Variants in EIF4B observed in about 807,000 individuals in gnomAD.
EIF4B encodes the protein eukaryotic translation initiation factor 4B.
EIF4B carries 8 observed loss-of-function variants against 79.3 expected under a neutral mutation model. That is an observed-to-expected ratio of 0.10 (90% CI 0.06 to 0.18). The LOEUF is 0.18. Ranked by LOEUF, EIF4B falls within the 10% of genes least tolerant of loss-of-function variation. EIF4B has a pLI of 1.00. For synonymous variants in EIF4B, 238 were observed against 274.7 expected, an observed-to-expected ratio of 0.87 and a Z score of 1.32; for missense variants, 515 against 792.4, an observed-to-expected ratio of 0.65 and a Z score of 4.20.
chr12:53,036,525 A>G (rs1297372560), intron 10 of EIF4B, among the ~76,000 whole-genome samples: 5 of 151,218 alleles, frequency 3.3e-5, no homozygotes, highest in East Asian at 3.9e-4. Context: ...TCTTGCCCCA[A>G]TATCCCAAGT....
chr12:53,010,305 C>T (rs571783072), intron 1 of EIF4B, among the ~76,000 whole-genome samples: 2 of 152,316 alleles, frequency 1.3e-5, no homozygotes, highest in South Asian at 2.1e-4. Context: ...TCAGTCTTTA[C>T]TATGCTAAAC....
intron 1 of EIF4B, 71 bp from the exon 2 acceptor site, chr12:53,016,402 A>C (rs1943149167): frequency 6.3e-7 from 1 of 1,578,982 alleles, no homozygotes; most frequent in East Asian, 2.3e-5. Flanking sequence ...AATGTTTTAC[A>C]ATATTGCATT....
At chr12:53,014,532 G>A (rs1370954187) in intron 1 of EIF4B, 1 of 152,114 alleles carries the variant, frequency 6.6e-6, no homozygotes, top group East Asian at 1.9e-4. Flanking sequence ...CCATGTTCGT[G>A]GTCAACTTTG....
At chr12:53,023,264 G>T (rs964753562) in intron 6 of EIF4B, among the ~76,000 whole-genome samples, 33 of 152,246 alleles carry the variant, frequency 2.2e-4, no homozygotes, top group Admixed American at 6.5e-5. Context: ...ACGGAGTCTC[G>T]CTGTGTCGCC....
intron 6 of EIF4B, among the ~76,000 whole-genome samples, chr12:53,023,000 A>G (rs949126378): frequency 6.6e-6 from 1 of 152,076 alleles, no homozygotes; most frequent in African/African-American, 2.4e-5. Context: ...CCTGTCTACC[A>G]AAAAGAAAAA....
chr12:53,028,653 G>A (rs1039443938), intron 8 of EIF4B, among the ~76,000 whole-genome samples: 1 of 151,616 alleles, frequency 6.6e-6, no homozygotes, highest in Non-Finnish European at 1.5e-5. Flanking sequence ...AGATTTTTCA[G>A]TTAAAATTTA....
At chr12:53,022,889 A>G (rs1271117953) in intron 6 of EIF4B, among the ~76,000 whole-genome samples, 1 of 152,170 alleles carries the variant, frequency 6.6e-6, no homozygotes, top group African/African-American at 2.4e-5. Flanking sequence ...AAGAAACCCA[A>G]ACTGGGCATG....
chr12:53,036,516 C>T (rs1253734437), intron 10 of EIF4B, among the ~76,000 whole-genome samples: 1 of 151,470 alleles, frequency 6.6e-6, no homozygotes, highest in African/African-American at 2.4e-5. Context: ...AAGCAATCCT[C>T]TTGCCCCAAT....
chr12:53,016,823 G>T (rs571230936), intron 2 of EIF4B, among the ~76,000 whole-genome samples: 36 of 152,152 alleles, frequency 2.4e-4, no homozygotes, highest in Admixed American at 7.9e-4. Flanking sequence ...AGAGAGCTTT[G>T]CTAGTTCTTG....
intron 6 of EIF4B, among the ~76,000 whole-genome samples, chr12:53,024,517 A>G (rs1943302666): frequency 6.6e-6 from 1 of 152,238 alleles, no homozygotes; most frequent in Non-Finnish European, 1.5e-5. Flanking sequence ...TAAACAAAAA[A>G]CAAACATGGC....
chr12:53,029,717 T>C (rs924064250), intron 8 of EIF4B, among the ~76,000 whole-genome samples: 3 of 152,126 alleles, frequency 2.0e-5, no homozygotes, highest in Non-Finnish European at 2.9e-5. Context: ...TCCTAAACTT[T>C]GTGGCAATGG....
At chr12:53,040,068 T>A in intron 14 of EIF4B, 75 bp from the exon 15 acceptor site, 1 of 1,540,988 alleles carries the variant, frequency 6.5e-7, no homozygotes, top group Non-Finnish European at 9.0e-7. Flanking sequence ...TGCCAAAGGA[T>A]CAGTATCCTG....
chr12:53,031,460 A>G (rs949494), intron 8 of EIF4B, among the ~76,000 whole-genome samples: 126,084 of 152,112 alleles, frequency 0.83, 53,985 homozygotes, highest in East Asian at 0.97. Flanking sequence ...ATTTTTTCTA[A>G]AGATGGGGTT....
rs1402043002 is a variant in EIF4B at position 53,016,684 on chromosome 12, A to G, written c.151+74A>G. On this transcript the variant is annotated intron_variant, in intron 2 of 14. Coordinates refer to ENST00000262056, the MANE Select transcript of EIF4B (RefSeq NM_001417.7). ...CAAAACCTATTACATAATAATTCAC[A>G]TCGTTTGTAATCTGAAAAGAACTTA... The G allele has an allele frequency of 2.3e-5, 34 of 1,489,068 alleles. No homozygotes were observed. The East Asian group carries it at 7.0e-4, about 31-fold the overall frequency. The allele number at this position is 1,489,068 out of a possible 1,614,324, so 92.2% of individuals were successfully genotyped here.
intron 1 of EIF4B, among the ~76,000 whole-genome samples, chr12:53,007,273 GTGTGCACCTAGA>G (rs1446226762): frequency 6.6e-6 from 1 of 152,140 alleles, no homozygotes; most frequent in Non-Finnish European, 1.5e-5. Flanking sequence ...AGAAGCACCG[GTGTGCACCTAGA>G]TTTCCTTCTA....
chr12:53,039,013 A>T (rs1158725018), intron 12 of EIF4B: 1 of 427,042 alleles, frequency 2.3e-6, no homozygotes, highest in Non-Finnish European at 4.2e-6. Flanking sequence ...TCATGATGGC[A>T]TATCCCTACA....
intron 8 of EIF4B, among the ~76,000 whole-genome samples, chr12:53,030,588 T>G (rs1047172899): frequency 6.6e-6 from 1 of 151,446 alleles, no homozygotes; most frequent in Non-Finnish European, 1.5e-5. Context: ...ATTTTTGTAT[T>G]TTTAGTAGAG....
At chr12:53,028,954 C>T (rs1164019606) in intron 8 of EIF4B, among the ~76,000 whole-genome samples, 3 of 151,934 alleles carry the variant, frequency 2.0e-5, no homozygotes, top group Admixed American at 6.6e-5. Context: ...GGTGAAACCC[C>T]GTCTGTACTA....
chr12:53,022,628 G>A lies in EIF4B; in HGVS notation c.667+1G>A, dbSNP rs1322184202. ...AGAGGTGATGATAGCTTTGGAGACAGTAAGTTTGTTTTTATGAAGTTAGCT... is the reference window on the plus strand; with the variant it reads ...AGAGGTGATGATAGCTTTGGAGACAATAAGTTTGTTTTTATGAAGTTAGCT... On this transcript the variant is annotated splice_donor_variant, in intron 6 of 14. Coordinates refer to ENST00000262056, the MANE Select transcript of EIF4B (RefSeq NM_001417.7). LOFTEE classifies it high-confidence loss of function. 5.6e-6 allele frequency: 9 copies of A among 1,612,986 alleles called. No individual in the cohort carries two copies. The South Asian group carries it at 6.6e-5, about 12-fold the overall frequency.
Sources: gnomAD v4.1 joint callset for allele counts (sites outside exome capture counted in the v4.1 genomes callset) on GRCh38, gnomAD v4.1.1 for gene constraint, MANE v1.5 for transcripts, NCBI Gene and HGNC (gene_info 2026-07-23, HGNC 2026-07-21) for gene names.